UBE2D4: variants seen among roughly 807,000 people sequenced by gnomAD.
UBE2D4 encodes ubiquitin-conjugating enzyme E2 D4.
UBE2D4 carries 17 observed loss-of-function variants against 23.0 expected under a neutral mutation model. The ratio of observed to expected loss-of-function variants is 0.74; its 90% confidence interval spans 0.51 to 1.11. UBE2D4 has a LOEUF of 1.11. Among genes scored for constraint, UBE2D4 ranks in the 50% least tolerant of loss-of-function variants. UBE2D4 has a pLI of 0.00. For missense variants in UBE2D4, 139 were observed against 181.8 expected (o/e 0.76, Z 1.35); for synonymous variants, 61 against 69.4 (o/e 0.88, Z 0.60).
intron 5 of UBE2D4, chr7:43,949,152 T>C (rs2095995664): frequency 3.9e-6 from 1 of 258,730 alleles, no homozygotes; most frequent in South Asian, 1.5e-4. Flanking sequence ...GGCCTCGAAG[T>C]TGGTGGAGAA....
At chr7:43,934,482 T>A (rs1231752766) in intron 1 of UBE2D4, among the ~76,000 whole-genome samples, 1 of 150,938 alleles carries the variant, frequency 6.6e-6, no homozygotes, top group Non-Finnish European at 1.5e-5. Flanking sequence ...TCATGAATGA[T>A]ACTTAACAAG....
chr7:43,927,359 C>A (rs2132743923), intron 1 of UBE2D4, among the ~76,000 whole-genome samples: 1 of 145,716 alleles, frequency 6.9e-6, no homozygotes, highest in South Asian at 2.1e-4. Flanking sequence ...ATCGCCCAGG[C>A]TGGAGTACAG....
At position 43,955,135 on chromosome 7, in the gene UBE2D4, G is replaced by A. The variant is rs952184654; in HGVS notation, c.*2440G>A. 13 of 152,138 alleles carry A rather than the reference G, an allele frequency of 8.5e-5. No individual in the cohort carries two copies. Among genetic ancestry groups the A allele is most frequent in the African/African-American group, 3.1e-4 (13 of 41,430 alleles). The allele number at this position is 152,138 out of a possible 1,614,324, so 9.4% of individuals were successfully genotyped here. Reference sequence around the variant, plus strand: ...CTTGCCATGTCTTTGAGGGGTTCAGGTCAGCCTGGAGAACAGGCTCCTTAG... The same window carrying A: ...CTTGCCATGTCTTTGAGGGGTTCAGATCAGCCTGGAGAACAGGCTCCTTAG... On this transcript the variant is annotated 3_prime_UTR_variant, in exon 7 of 7. Transcript: ENST00000222402.
In UBE2D4 at chr7:43,950,697, G is replaced by A. The variant is rs760725284; in HGVS notation, c.398+5G>A. 8 of 1,613,290 alleles carry A rather than the reference G, an allele frequency of 5.0e-6. No homozygotes were observed. Among genetic ancestry groups the A allele is most frequent in the Admixed American group, 3.3e-5 (2 of 60,024 alleles). ...CTACAAGGCCGACAGAGAGAAGTACGTGTCCTCTTTGGGTTGCCTTTGCAC... is the reference window on the plus strand; with the variant it reads ...CTACAAGGCCGACAGAGAGAAGTACATGTCCTCTTTGGGTTGCCTTTGCAC... On this transcript the variant is annotated splice_donor_5th_base_variant and intron_variant, in intron 6 of 6. Transcript: ENST00000222402.
At position 43,952,846 on chromosome 7, in the gene UBE2D4, G is replaced by A; in HGVS notation, c.*151G>A. On this transcript the variant is annotated 3_prime_UTR_variant, in exon 7 of 7. Transcript: ENST00000222402. Reference sequence around the variant, plus strand: ...CACCCACTCTCTCCAGCTGCAGCATGTTGGTGCCATTTTCAGCAATTACGG... The same window carrying A: ...CACCCACTCTCTCCAGCTGCAGCATATTGGTGCCATTTTCAGCAATTACGG... 1.5e-6 allele frequency: 1 copy of A among 655,540 alleles called. No homozygotes were observed. Among genetic ancestry groups the A allele is most frequent in the East Asian group, 2.8e-5 (1 of 35,906 alleles). The allele number at this position is 655,540 out of a possible 1,614,324, so 40.6% of individuals were successfully genotyped here.
chr7:43,946,349 A>T (rs2095987151), intron 4 of UBE2D4: 1 of 152,196 alleles, frequency 6.6e-6, no homozygotes, highest in Non-Finnish European at 1.5e-5. Context: ...AGAAAAAAAA[A>T]GTCAAATGTA....
intron 1 of UBE2D4, among the ~76,000 whole-genome samples, chr7:43,937,784 G>A (rs1331987103): frequency 2.0e-5 from 3 of 151,800 alleles, no homozygotes; most frequent in Non-Finnish European, 4.4e-5. Flanking sequence ...GCTTAGTTCA[G>A]GGTTGGTGTC....
rs564131134 is a variant in UBE2D4, at chr7:43,934,624, C to T, written c.25-3807C>T. Among the ~76,000 whole-genome samples, 19 of 145,874 alleles carry T rather than the reference C, an allele frequency of 1.3e-4. No homozygotes were observed. The South Asian group carries it at 1.4e-3, about 10-fold the overall frequency. On this transcript the variant is annotated intron_variant, in intron 1 of 6. Transcript: ENST00000222402. ...TTGGCTCACTGCAACCTCCACCTCC[C>T]GGGCTAAAGCAATTCTTTTTTTTTT...
In UBE2D4 at chr7:43,953,400, T is replaced by C. The variant is rs1441003842; in HGVS notation, c.*705T>C. 5.7e-6 allele frequency: 2 copies of C among 351,742 alleles called. No homozygotes were observed. Among genetic ancestry groups the C allele is most frequent in the Non-Finnish European group, 1.1e-5 (2 of 179,412 alleles). The allele number at this position is 351,742 out of a possible 1,614,324, so 21.8% of individuals were successfully genotyped here. The stretch of plus-strand genomic sequence containing the variant: ...AGCAAGAGCAAAATTATGAAACCTC[T>C]AGAGATTTGGGTCATGTTACTCCAT... On this transcript the variant is annotated 3_prime_UTR_variant, in exon 7 of 7. Transcript: ENST00000222402.
At chr7:43,935,708 G>T (rs2095956922) in intron 1 of UBE2D4, among the ~76,000 whole-genome samples, 1 of 152,228 alleles carries the variant, frequency 6.6e-6, no homozygotes, top group East Asian at 1.9e-4. Context: ...AAGTCTTGAT[G>T]AGGTTATTCA....
At chr7:43,932,100 A>T (rs1186048953) in intron 1 of UBE2D4, among the ~76,000 whole-genome samples, 2 of 151,772 alleles carry the variant, frequency 1.3e-5, no homozygotes, top group Non-Finnish European at 1.5e-5. Context: ...ACCATTCTCC[A>T]GCCTCAACCT....
intron 2 of UBE2D4, among the ~76,000 whole-genome samples, chr7:43,939,119 G>A (rs1160171964): frequency 6.6e-6 from 1 of 152,210 alleles, no homozygotes; most frequent in Non-Finnish European, 1.5e-5. Context: ...TCAAACTTGG[G>A]TGCTGGTGTA....
At chr7:43,928,044 C>A in intron 1 of UBE2D4, 1 of 454,062 alleles carries the variant, frequency 2.2e-6, no homozygotes, top group South Asian at 1.6e-5. Context: ...CCAGCATCTG[C>A]TTCTGGTGAG....
chr7:43,939,237 C>T (rs983657610), intron 2 of UBE2D4, among the ~76,000 whole-genome samples: 1 of 152,254 alleles, frequency 6.6e-6, no homozygotes, highest in Non-Finnish European at 1.5e-5. Flanking sequence ...CCACTTGCCT[C>T]TGCCAAGGGG....
In UBE2D4 at chr7:43,944,141, A is replaced by G. The variant is rs2595650; in HGVS notation, c.198+1110A>G. ...AATCACTCTGCTGCCTTGTGGAGAA[A>G]AGGCTGGGGTTCAAGTGATTCTCCT... On this transcript the variant is annotated intron_variant, in intron 4 of 6. Coordinates refer to ENST00000222402, the MANE Select transcript of UBE2D4 (RefSeq NM_015983.4). The surrounding 1 kb of genome is among the most constrained non-coding windows in gnomAD (Gnocchi z 4.0). 0.58 allele frequency: 87,689 copies of G among 152,052 alleles called. 25,466 individuals are homozygous for G. Among genetic ancestry groups the G allele is most frequent in the East Asian group, 0.67 (3,447 of 5,168 alleles). 9.4% of individuals were successfully genotyped at this position (152,052 alleles called of 1,614,324 possible).
At chr7:43,931,941 G>T (rs1162768709) in intron 1 of UBE2D4, among the ~76,000 whole-genome samples, 1 of 151,622 alleles carries the variant, frequency 6.6e-6, no homozygotes, top group Non-Finnish European at 1.5e-5. Context: ...ACCCACTTGG[G>T]CCTCCCAAAG....
intron 2 of UBE2D4, 114 bp downstream of exon 2, chr7:43,938,608 G>T (rs1286759317): frequency 2.0e-6 from 2 of 999,492 alleles, no homozygotes; most frequent in East Asian, 2.4e-5. Flanking sequence ...AGCCAAGGTG[G>T]GTGGATCACC....
chr7:43,941,184 A>G (rs1206850967), intron 2 of UBE2D4: 1 of 152,180 alleles, frequency 6.6e-6, no homozygotes, highest in African/African-American at 2.4e-5. Context: ...CATATCTACT[A>G]TGAATCCATA....
At chr7:43,926,677 G>C in intron 1 of UBE2D4, 121 bp downstream of exon 1, 2 of 1,091,562 alleles carry the variant, frequency 1.8e-6, no homozygotes, top group Non-Finnish European at 2.5e-6. Context: ...CACCTGCCTG[G>C]GAAGGAGGCA....
Sources: allele counts gnomAD v4.1 joint callset (sites outside exome capture counted in the v4.1 genomes callset), GRCh38; gene constraint gnomAD v4.1.1; non-coding constraint Gnocchi (gnomAD v3.1); transcripts MANE v1.5; gene names NCBI Gene and HGNC (gene_info 2026-07-23, HGNC 2026-07-21).